Variants in SLCO1B1 observed in about 807,000 individuals in gnomAD.
SLCO1B1 encodes the protein solute carrier organic anion transporter family member 1B1.
Under a neutral mutation model 70.1 loss-of-function variants are expected in SLCO1B1, and 81 were observed. The ratio of observed to expected loss-of-function variants is 1.16; its 90% CI spans 0.97 to 1.39. The LOEUF (loss-of-function observed/expected upper bound fraction) is 1.39, where lower values mean the gene tolerates loss of function less well. Ranked by LOEUF, SLCO1B1 falls within the 40% of genes most tolerant of loss-of-function variation. The pLI is 0.00. For synonymous variants in SLCO1B1, 283 were observed against 271.5 expected (o/e 1.04, Z -0.42); for missense variants, 895 against 799.6 (o/e 1.12, Z -1.44).
chr12:21,147,276 T>C (rs147187622), intron 2 of SLCO1B1, among the ~76,000 whole-genome samples: 8 of 152,176 alleles, frequency 5.3e-5, no homozygotes, highest in Non-Finnish European at 1.0e-4. Flanking sequence ...AATGTTTTTC[T>C]CCACTTCTTT....
At chr12:21,223,285 TAC>T (rs1288663184) in intron 13 of SLCO1B1, among the ~76,000 whole-genome samples, 12 of 152,248 alleles carry the variant, frequency 7.9e-5, no homozygotes, top group Non-Finnish European at 1.5e-4. Context: ...ATGGAAAAAA[TAC>T]ACATTTAGTA....
At chr12:21,146,472 C>A (rs1410384368) in intron 2 of SLCO1B1, among the ~76,000 whole-genome samples, 1 of 151,842 alleles carries the variant, frequency 6.6e-6, no homozygotes, top group East Asian at 1.9e-4. Context: ...TCTATTTTTT[C>A]TTGTGCTTAC....
At chr12:21,165,397 T>C (rs1236419110) in intron 2 of SLCO1B1, among the ~76,000 whole-genome samples, 1 of 152,104 alleles carries the variant, frequency 6.6e-6, no homozygotes, top group East Asian at 1.9e-4. Flanking sequence ...CAGAGGTATT[T>C]AGGGAGCCAC....
intron 2 of SLCO1B1, among the ~76,000 whole-genome samples, chr12:21,167,583 TA>T (rs1416445940): frequency 6.6e-6 from 1 of 152,106 alleles, no homozygotes; most frequent in African/African-American, 2.4e-5. Flanking sequence ...GTCATGCTGG[TA>T]AAAAACACAT....
At chr12:21,164,677 G>T (rs533981544) in intron 2 of SLCO1B1, among the ~76,000 whole-genome samples, 13 of 151,910 alleles carry the variant, frequency 8.6e-5, no homozygotes, top group Admixed American at 3.9e-4. Flanking sequence ...CAAATAATCC[G>T]TGTTATTTCA....
chr12:21,206,934 A>G (rs57702815), intron 11 of SLCO1B1, among the ~76,000 whole-genome samples: 1,761 of 152,006 alleles, frequency 0.012, 43 homozygotes, highest in South Asian at 0.04. Context: ...CCTACCAATT[A>G]TAATAAGGAA....
At chr12:21,222,162 A>T in intron 12 of SLCO1B1, 138 bp from the exon 13 acceptor site, 1 of 275,612 alleles carries the variant, frequency 3.6e-6, no homozygotes, top group Non-Finnish European at 7.1e-6. Context: ...CAATTAAAAT[A>T]TAATTTTATA....
chr12:21,202,012 T>G (rs1052279034), intron 9 of SLCO1B1, among the ~76,000 whole-genome samples: 2 of 152,076 alleles, frequency 1.3e-5, no homozygotes, highest in Admixed American at 1.3e-4. Context: ...ATGTGTACCA[T>G]GGAATACTAT....
chr12:21,231,077 G>T (rs1360811442), intron 14 of SLCO1B1, among the ~76,000 whole-genome samples: 1 of 149,568 alleles, frequency 6.7e-6, no homozygotes, highest in African/African-American at 2.5e-5. Context: ...GTGGCATTTG[G>T]TTTTTTTGTC....
intron 11 of SLCO1B1, among the ~76,000 whole-genome samples, chr12:21,214,362 G>T (rs534360123): frequency 6.6e-6 from 1 of 150,424 alleles, no homozygotes; most frequent in East Asian, 2.0e-4. Context: ...GTGCCTCCCA[G>T]TTAGGCTGCT....
At chr12:21,224,921 T>TGAA in intron 14 of SLCO1B1, 82 bp downstream of exon 14, 3 of 721,982 alleles carry the variant, frequency 4.2e-6, no homozygotes, top group Non-Finnish European at 6.9e-6. Flanking sequence ...TATATAATAA[T>TGAA]ATTAATAATG....
At chr12:21,202,190 C>A (rs150971745) in intron 9 of SLCO1B1, among the ~76,000 whole-genome samples, 104 of 152,194 alleles carry the variant, frequency 6.8e-4, no homozygotes, top group African/African-American at 2.5e-3. Flanking sequence ...AGGGGAACAT[C>A]ACACACCGGG....
chr12:21,212,974 G>A (rs1466436855), intron 11 of SLCO1B1, among the ~76,000 whole-genome samples: 2 of 151,636 alleles, frequency 1.3e-5, no homozygotes, highest in Non-Finnish European at 2.9e-5. Context: ...ACGTGAGATG[G>A]GTCTCCTGAA....
chr12:21,212,874 C>G (rs1208744645), intron 11 of SLCO1B1, among the ~76,000 whole-genome samples: 1 of 152,018 alleles, frequency 6.6e-6, no homozygotes, highest in Non-Finnish European at 1.5e-5. Context: ...TTATCAGAGA[C>G]TAGGATTGCA....
At position 21,197,110 on chromosome 12, in the gene SLCO1B1, G is replaced by A; in HGVS notation, c.892G>A (p.Val298Met). The A allele has an allele frequency of 6.2e-7, 1 of 1,613,596 alleles. No individual in the cohort carries two copies. Residue 298 changes from valine (V) to methionine (M), a missense_variant, in exon 8 of 15, where the codon GTG becomes ATG. Transcript: ENST00000256958. ...AAGAAAAGCTTCACTGTCTTTGCAT[G>A]TGCTGGAAACAAATGATGAAAAGGA... Reference protein sequence around the residue: ...KERKASLSLHVLETNDEKDQT... With the variant: ...KERKASLSLHMLETNDEKDQT...
chr12:21,142,926 A>G (rs1275443786), intron 2 of SLCO1B1, among the ~76,000 whole-genome samples: 2 of 152,100 alleles, frequency 1.3e-5, no homozygotes, highest in African/African-American at 4.8e-5. Context: ...CATTAACTGC[A>G]GCCCAATAAA....
At chr12:21,180,423 A>G in intron 7 of SLCO1B1, among the ~76,000 whole-genome samples, 1 of 152,168 alleles carries the variant, frequency 6.6e-6, no homozygotes, top group East Asian at 1.9e-4. Flanking sequence ...CCTTTATTGT[A>G]ACCCTTCTCA....
chr12:21,215,356 A>G (rs75108250), intron 11 of SLCO1B1, among the ~76,000 whole-genome samples: 2,999 of 152,324 alleles, frequency 0.02, 47 homozygotes, highest in Middle Eastern at 0.044. Context: ...TGTTCCTTCA[A>G]TGCCCAGTTT....
chr12:21,221,185 G>A (rs2121187187), intron 12 of SLCO1B1, among the ~76,000 whole-genome samples: 1 of 152,236 alleles, frequency 6.6e-6, no homozygotes, highest in African/African-American at 2.4e-5. Context: ...AGCTATGTAT[G>A]ACAAACCCAC....
Sources: gnomAD v4.1 joint callset for allele counts (sites outside exome capture counted in the v4.1 genomes callset) on GRCh38, gnomAD v4.1.1 for gene constraint, MANE v1.5 for transcripts, NCBI Gene and HGNC (gene_info 2026-07-23, HGNC 2026-07-21) for gene names.